The following PAK4 variants were observed in gnomAD, a reference collection of about 807,000 sequenced individuals.
PAK4 encodes the protein serine/threonine-protein kinase PAK 4.
PAK4 carries 49 observed loss-of-function variants against 53.5 expected under a neutral mutation model. The ratio of observed to expected loss-of-function variants is 0.92; its 90% CI spans 0.73 to 1.16. PAK4 has a LOEUF of 1.16. Ranked by LOEUF, PAK4 falls within the 50% of genes most tolerant of loss-of-function variation. PAK4 has a pLI of 0.00. For missense variants in PAK4, 824 were observed against 850.7 expected, an observed-to-expected ratio of 0.97 and a Z score of 0.39; for synonymous variants, 376 against 375.6, an observed-to-expected ratio of 1.00 and a Z score of -0.01.
Position 39,173,479 on chromosome 19 carries a change from C to A in PAK4, c.664-97C>A. 7.4e-7 allele frequency: 1 copy of A among 1,342,500 alleles called. No homozygotes were observed. Among genetic ancestry groups the A allele is most frequent in the Non-Finnish European group, 1.0e-6 (1 of 986,770 alleles). 83.2% of individuals were successfully genotyped at this position (1,342,500 alleles called of 1,614,324 possible). A position where few individuals can be genotyped will look rare whatever the true frequency, so the allele number is the denominator to read the frequency against. ...ACCACCGTGCATCTCATCCTGACCA[C>A]CCATGTGTCTGTCCCATCGCTGGGT... On this transcript the variant is annotated intron_variant, in intron 3 of 8. Transcript: ENST00000358301. This position sits in a 1 kb window ranked among gnomAD's most constrained non-coding sequence, Gnocchi z 6.9.
At chr19:39,152,777 G>T in intron 1 of PAK4, among the ~76,000 whole-genome samples, 1 of 92,524 alleles carries the variant, frequency 1.1e-5, no homozygotes, top group African/African-American at 3.7e-5. Flanking sequence ...ACAGTTTCAG[G>T]CATCCCATTG....
chr19:39,177,683 C>T (rs2074634777), exon 8 of PAK4: 1 of 1,612,704 alleles, frequency 6.2e-7, no homozygotes, highest in Admixed American at 1.7e-5. Flanking sequence ...AGGTAGACAT[C>T]TGGTCGCTGG....
At chr19:39,157,174 T>A (rs553361027) in intron 1 of PAK4, among the ~76,000 whole-genome samples, 2 of 151,946 alleles carry the variant, frequency 1.3e-5, no homozygotes, top group African/African-American at 4.8e-5. Context: ...TGGGTGTGCC[T>A]AGGTCCATGG....
rs141042301 is a variant in PAK4, at chr19:39,144,455, G to A, written c.-23+18536G>A. 4.6e-5 allele frequency among the ~76,000 whole-genome samples: 7 copies of A among 152,304 alleles called. No individual in the cohort carries two copies. The East Asian group carries it at 7.7e-4, about 17-fold the overall frequency. ...GAGCCAGCCAGAAGCCGTCCCTGCC[G>A]GGGGGATGCTTGACCCAAATCTTCA... On this transcript the variant is annotated intron_variant, in intron 1 of 8. Transcript: ENST00000358301.
chr19:39,142,094 A>G (rs985423873), intron 1 of PAK4, among the ~76,000 whole-genome samples: 1 of 152,156 alleles, frequency 6.6e-6, no homozygotes, highest in African/African-American at 2.4e-5. Flanking sequence ...CTCCCGCCTC[A>G]GTCTCCTGAA....
chr19:39,173,910 G>T lies in PAK4; in HGVS notation c.998G>T (p.Gly333Val). ...ATCAAGATTGGCGAGGGCTCCACGGGCATCGTGTGCATCGCCACCGTGCGC... is the reference window on the plus strand; with the variant it reads ...ATCAAGATTGGCGAGGGCTCCACGGTCATCGTGTGCATCGCCACCGTGCGC... Residue 333 changes from glycine (G) to valine (V), a missense_variant, in exon 4 of 9, where the codon GGC becomes GTC. Transcript: ENST00000358301. This position sits in a 1 kb window ranked among gnomAD's most constrained non-coding sequence, Gnocchi z 6.9. 2.5e-6 allele frequency: 4 copies of T among 1,611,722 alleles called. No homozygotes were observed. The highest frequency in any genetic ancestry group is 3.4e-6 in the Non-Finnish European group (4 of 1,179,524).
chr19:39,149,447 A>G lies in PAK4; in HGVS notation c.-22-20085A>G, dbSNP rs114778704. Reference sequence around the variant, plus strand: ...TACGAAGGACCTAGAGTAGGCAAATACAAAGAGACAGAAAGCATGCATGGA... The same window carrying G: ...TACGAAGGACCTAGAGTAGGCAAATGCAAAGAGACAGAAAGCATGCATGGA... On this transcript the variant is annotated intron_variant, in intron 1 of 8. Coordinates refer to ENST00000358301, the Ensembl canonical transcript of PAK4. Among the ~76,000 whole-genome samples, 742 of 152,344 alleles carry G rather than the reference A, an allele frequency of 4.9e-3. 6 individuals carry two copies. The highest frequency in any genetic ancestry group is 0.016 in the African/African-American group (681 of 41,578).
chr19:39,151,671 A>G (rs1332017690), intron 1 of PAK4, among the ~76,000 whole-genome samples: 1 of 152,270 alleles, frequency 6.6e-6, no homozygotes, highest in Non-Finnish European at 1.5e-5. Context: ...AAGATCACCA[A>G]GACCCACATA....
At chr19:39,142,442 T>TA (rs911133128) in intron 1 of PAK4, among the ~76,000 whole-genome samples, 2 of 152,142 alleles carry the variant, frequency 1.3e-5, no homozygotes, top group African/African-American at 4.8e-5. Flanking sequence ...AAGTTTTTTT[T>TA]AAAAAAGCGA....
chr19:39,161,182 G>A lies in PAK4; in HGVS notation c.-22-8350G>A, dbSNP rs2074278267. ...CGAAGGGGAGCCCTTGTGAGTCCAC[G>A]CCCTGCTGTAGGCACTGAAATGCAG... is the stretch of plus-strand genomic sequence containing the variant. On this transcript the variant is annotated intron_variant, in intron 1 of 8. Transcript: ENST00000358301. The surrounding 1 kb of genome is among the most constrained non-coding windows in gnomAD (Gnocchi z 4.5). 6.6e-6 allele frequency among the ~76,000 whole-genome samples: 1 copy of A among 152,228 alleles called. No individual in the cohort carries two copies.
chr19:39,156,191 G>A (rs1357700292), intron 1 of PAK4, among the ~76,000 whole-genome samples: 5 of 152,146 alleles, frequency 3.3e-5, no homozygotes, highest in African/African-American at 1.2e-4. Context: ...GCCCATGCTG[G>A]GCACTTGCTA....
chr19:39,128,762 G>A (rs566473303), intron 1 of PAK4, among the ~76,000 whole-genome samples: 1 of 152,300 alleles, frequency 6.6e-6, no homozygotes, highest in African/African-American at 2.4e-5. Flanking sequence ...TCCTGGGTGT[G>A]GCAGTCACCA....
At chr19:39,142,567 C>G (rs1010361434) in intron 1 of PAK4, among the ~76,000 whole-genome samples, 7 of 152,306 alleles carry the variant, frequency 4.6e-5, no homozygotes, top group South Asian at 4.1e-4. Flanking sequence ...TTCCCCACCC[C>G]CCGGGGCCTG....
chr19:39,149,903 A>G (rs1436459797), intron 1 of PAK4, among the ~76,000 whole-genome samples: 1 of 152,170 alleles, frequency 6.6e-6, no homozygotes, highest in Non-Finnish European at 1.5e-5. Context: ...ATAGAGAGAA[A>G]GAAAGTAGAA....
intron 1 of PAK4, among the ~76,000 whole-genome samples, chr19:39,144,249 T>A (rs2073964255): frequency 6.6e-6 from 1 of 152,154 alleles, no homozygotes; most frequent in Non-Finnish European, 1.5e-5. Context: ...GAATCCCAGT[T>A]CTGATACACT....
intron 1 of PAK4, among the ~76,000 whole-genome samples, chr19:39,132,112 C>T (rs1025213821): frequency 2.6e-5 from 4 of 152,218 alleles, no homozygotes; most frequent in Non-Finnish European, 4.4e-5. Flanking sequence ...GCCAGGCACG[C>T]GTGTGCTGTG....
At chr19:39,126,997 G>T (rs981429803) in intron 1 of PAK4, among the ~76,000 whole-genome samples, 1 of 152,176 alleles carries the variant, frequency 6.6e-6, no homozygotes, top group Non-Finnish European at 1.5e-5. Flanking sequence ...GAAGCAGGGG[G>T]CTGGGCAGGG....
In PAK4 at chr19:39,173,245, C is replaced by A. The variant is rs764775854; in HGVS notation, c.532C>A (p.Arg178Ser). The change falls in exon 3 of 9, where the codon CGC becomes AGC. Residue 178 changes from arginine (R) to serine (S), a missense_variant. Physicochemically the swap from Arg to Ser is moderately radical, Grantham distance 110. Coordinates refer to ENST00000358301, the Ensembl canonical transcript of PAK4. This position sits in a 1 kb window ranked among gnomAD's most constrained non-coding sequence, Gnocchi z 6.9. ...TCCCCAGGAGTCCTCCCGGGACAAA[C>A]GCCCCCTCTCCGGGCCTGATGTCGG... 6 of 1,583,254 alleles carry A rather than the reference C, an allele frequency of 3.8e-6. No homozygotes were observed. In the African/African-American group the frequency reaches 8.1e-5, roughly 21 times the overall value.
intron 1 of PAK4, among the ~76,000 whole-genome samples, chr19:39,155,083 C>T (rs560898640): frequency 2.0e-4 from 30 of 152,292 alleles, no homozygotes; most frequent in Admixed American, 1.3e-3. Context: ...GACCCAGGTG[C>T]GTCTGTCTGC....
Sources: allele counts gnomAD v4.1 joint callset (sites outside exome capture counted in the v4.1 genomes callset), GRCh38; gene constraint gnomAD v4.1.1; non-coding constraint Gnocchi (gnomAD v3.1); transcripts MANE v1.5; gene names NCBI Gene and HGNC (gene_info 2026-07-23, HGNC 2026-07-21).